The following TRAP1 variants were observed in gnomAD, a reference collection of about 807,000 sequenced individuals.
TRAP1 encodes the protein heat shock protein 75 kDa, mitochondrial.
A neutral mutation model predicts 89.1 loss-of-function variants in TRAP1; 102 were observed. The ratio of observed to expected loss-of-function variants is 1.15; its 90% confidence interval spans 0.98 to 1.35. The LOEUF (loss-of-function observed/expected upper bound fraction) is 1.35. TRAP1 is among the 40% of genes most tolerant of loss of function. The pLI is 0.00. For synonymous variants in TRAP1, 508 were observed against 388.0 expected (o/e 1.31, Z -3.64); for missense variants, 1,256 against 945.3 (o/e 1.33, Z -4.31).
chr16:3,697,544 G>A (rs2051306358), intron 1 of TRAP1, among the ~76,000 whole-genome samples: 1 of 151,118 alleles, frequency 6.6e-6, no homozygotes, highest in South Asian at 2.1e-4. Flanking sequence ...GGCGCCTGTA[G>A]TCCCAGCTAC....
chr16:3,710,855 GTGTA>G (rs1222871152), intron 1 of TRAP1, among the ~76,000 whole-genome samples: 1 of 106,036 alleles, frequency 9.4e-6, no homozygotes, highest in Admixed American at 1.0e-4. Flanking sequence ...ATATGTGTGT[GTGTA>G]TATATATATA....
At chr16:3,682,828 C>T (rs1034181336) in intron 4 of TRAP1, among the ~76,000 whole-genome samples, 1 of 151,990 alleles carries the variant, frequency 6.6e-6, no homozygotes, top group African/African-American at 2.4e-5. Context: ...CCAATGCACC[C>T]CAACCTGGAG....
At chr16:3,714,338 G>A (rs1464049337) in intron 1 of TRAP1, among the ~76,000 whole-genome samples, 2 of 152,164 alleles carry the variant, frequency 1.3e-5, no homozygotes, top group Non-Finnish European at 2.9e-5. Context: ...GTCCACAAGC[G>A]GATATCCTAG....
chr16:3,674,319 G>A lies in TRAP1; in HGVS notation c.1044+20C>T, dbSNP rs769795770. The A allele has an allele frequency of 4.1e-5, 66 of 1,612,876 alleles. No individual in the cohort carries two copies. The highest frequency in any genetic ancestry group is 5.0e-5 in the Admixed American group (3 of 59,964). ...CAACAGAGTCACCCTGAGGGCCGTG[G>A]GACTGCCACAGTGCCTCACCATGTC... On this transcript the variant is annotated intron_variant, in intron 9 of 17. Transcript: ENST00000246957.
At chr16:3,702,483 C>T (rs184815151) in intron 1 of TRAP1, among the ~76,000 whole-genome samples, 11 of 151,902 alleles carry the variant, frequency 7.2e-5, no homozygotes, top group Non-Finnish European at 1.3e-4. Context: ...TGGCTCACAC[C>T]TGTAATCCCA....
chr16:3,690,251 C>T (rs2051195316), intron 2 of TRAP1, among the ~76,000 whole-genome samples: 1 of 152,198 alleles, frequency 6.6e-6, no homozygotes. Context: ...AGCAATCCTC[C>T]TGCCTCGGCC....
In TRAP1 at chr16:3,671,872, C is replaced by T. The variant is rs147604774; in HGVS notation, c.1166-81G>A. ...CATTCCCCATTAACCTGCCCTTTGT[C>T]TTCAGGCCTGGCCTTCAACCCAGCA... On this transcript the variant is annotated intron_variant, in intron 10 of 17. Transcript: ENST00000246957. 547 of 1,466,954 alleles carry T rather than the reference C, an allele frequency of 3.7e-4. No homozygotes were observed. In the African/African-American group the frequency reaches 6.1e-3, roughly 16 times the overall value. 90.9% of individuals were successfully genotyped at this position (1,466,954 alleles called of 1,614,324 possible).
At chr16:3,692,093 G>C (rs1386719408) in intron 1 of TRAP1, among the ~76,000 whole-genome samples, 1 of 152,174 alleles carries the variant, frequency 6.6e-6, no homozygotes, top group Non-Finnish European at 1.5e-5. Context: ...ACGTGATGGT[G>C]TCAAGGATAT....
intron 11 of TRAP1, among the ~76,000 whole-genome samples, chr16:3,669,944 C>T (rs970645679): frequency 2.6e-5 from 4 of 151,212 alleles, no homozygotes; most frequent in East Asian, 1.9e-4. Flanking sequence ...CCCCGAGGGA[C>T]GGGATCAGTA....
chr16:3,692,042 A>C (rs1331976222), intron 1 of TRAP1, among the ~76,000 whole-genome samples: 5 of 152,138 alleles, frequency 3.3e-5, no homozygotes, highest in South Asian at 4.1e-4. Flanking sequence ...GACCCCAGGG[A>C]CCACATACCA....
At chr16:3,688,569 G>A (rs1374924383) in intron 3 of TRAP1, among the ~76,000 whole-genome samples, 1 of 152,056 alleles carries the variant, frequency 6.6e-6, no homozygotes, top group African/African-American at 2.4e-5. Context: ...CAGCCCCAAA[G>A]TCTGCCAGGC....
intron 1 of TRAP1, among the ~76,000 whole-genome samples, chr16:3,700,971 T>C (rs963868704): frequency 6.6e-6 from 1 of 152,204 alleles, no homozygotes; most frequent in African/African-American, 2.4e-5. Flanking sequence ...CGATATTTAC[T>C]CTTACATTAA....
intron 4 of TRAP1, among the ~76,000 whole-genome samples, chr16:3,685,156 A>C (rs923067554): frequency 1.3e-5 from 2 of 152,198 alleles, no homozygotes; most frequent in African/African-American, 4.8e-5. Flanking sequence ...CACAGGGCCC[A>C]TTCCACAGCC....
At chr16:3,671,652 C>T in intron 11 of TRAP1, 70 bp downstream of exon 11, 1 of 1,548,922 alleles carries the variant, frequency 6.5e-7, no homozygotes, top group Non-Finnish European at 8.8e-7. Context: ...GGCTAGGGCC[C>T]TCTGGGGGCA....
At chr16:3,697,376 A>T (rs538503367) in intron 1 of TRAP1, among the ~76,000 whole-genome samples, 1 of 152,170 alleles carries the variant, frequency 6.6e-6, no homozygotes, top group South Asian at 2.1e-4. Flanking sequence ...ATATTAAGGA[A>T]ATTAGTCGCC....
Position 3,692,575 on chromosome 16 carries a change from T to C in TRAP1, c.89-1590A>G, listed in dbSNP as rs575636668. On this transcript the variant is annotated intron_variant, in intron 1 of 17. Coordinates refer to ENST00000246957, the MANE Select transcript of TRAP1 (RefSeq NM_016292.3). The stretch of plus-strand genomic sequence containing the variant: ...ATTAACATATCAACTTTCATACTCC[T>C]AAAAGGTACAAAAACTTGCCTTTTT... Among the ~76,000 whole-genome samples the C allele has an allele frequency of 5.2e-4, 73 of 141,294 alleles. 1 individual carries two copies. In the South Asian group the frequency reaches 0.016, roughly 30 times the overall value. 92.7% of individuals were successfully genotyped at this position (141,294 alleles called of 152,430 possible).
intron 17 of TRAP1, chr16:3,658,533 T>C (rs1013441688): frequency 1.8e-6 from 1 of 566,964 alleles, no homozygotes; most frequent in Admixed American, 3.1e-5. Context: ...AATACAAAAT[T>C]AGCCAGGCGC....
At chr16:3,709,411 C>T (rs2051496566) in intron 1 of TRAP1, among the ~76,000 whole-genome samples, 3 of 152,112 alleles carry the variant, frequency 2.0e-5, no homozygotes. Context: ...GTTTTAAATA[C>T]TGTCATTCTA....
In TRAP1 at chr16:3,658,667, A is replaced by G. The variant is rs1180577999; in HGVS notation, c.2013+126T>C. ...CAGCCTGGCAACAGAGCAACACTCC[A>G]TCTCAAAAAACAAACAAACAAACAA... On this transcript the variant is annotated intron_variant, in intron 17 of 17. Transcript: ENST00000246957. 1.5e-5 allele frequency: 13 copies of G among 874,006 alleles called. No individual in the cohort carries two copies. In the Admixed American group the frequency reaches 2.7e-4, roughly 18 times the overall value. The allele number at this position is 874,006 out of a possible 1,614,324, so 54.1% of individuals were successfully genotyped here. A position where few individuals can be genotyped will look rare whatever the true frequency, so the allele number is the denominator to read the frequency against.
Sources: gnomAD v4.1 joint callset for allele counts (sites outside exome capture counted in the v4.1 genomes callset) on GRCh38, gnomAD v4.1.1 for gene constraint, MANE v1.5 for transcripts, NCBI Gene and HGNC (gene_info 2026-07-23, HGNC 2026-07-21) for gene names.